Variants in SPINDOC observed in about 807,000 individuals in gnomAD.
SPINDOC encodes the protein spindlin interactor and repressor of chromatin-binding protein.
SPINDOC carries 13 observed loss-of-function variants against 30.7 expected under a neutral mutation model. That is an observed-to-expected ratio of 0.42 (90% CI 0.28 to 0.67). The LOEUF is 0.67. Ranked by LOEUF, SPINDOC falls within the 30% of genes least tolerant of loss-of-function variation. SPINDOC has a pLI of 0.22. For synonymous variants in SPINDOC, 228 were observed against 211.4 expected (o/e 1.08, Z -0.68); for missense variants, 438 against 518.0 (o/e 0.85, Z 1.50).
intron 5 of SPINDOC, among the ~76,000 whole-genome samples, chr11:63,821,482 C>T (rs1358273497): frequency 1.3e-5 from 2 of 152,166 alleles, no homozygotes; most frequent in African/African-American, 2.4e-5. Context: ...CATCATTCTG[C>T]CAACCACACA....
chr11:63,818,681 G>A lies in SPINDOC; in HGVS notation c.733+29G>A, dbSNP rs770602241. ...AAGGGGAGGCCCGGGGGAGGCGTGGGCTCTGGCCGCAGTGCTCTGAGGAAA... is the reference window on the plus strand; with the variant it reads ...AAGGGGAGGCCCGGGGGAGGCGTGGACTCTGGCCGCAGTGCTCTGAGGAAA... On this transcript the variant is annotated intron_variant, in intron 4 of 5. Coordinates refer to ENST00000294244, the MANE Select transcript of SPINDOC (RefSeq NM_138471.3). The surrounding 1 kb of genome is among the most constrained non-coding windows in gnomAD (Gnocchi z 5.3). 2 of 1,612,668 alleles carry A rather than the reference G, an allele frequency of 1.2e-6. No individual in the cohort carries two copies. The highest frequency in any genetic ancestry group is 3.3e-5 in the Admixed American group (2 of 59,824).
At position 63,813,695 on chromosome 11, in the gene SPINDOC, A is replaced by C. The variant is rs753820381; in HGVS notation, c.9A>C (p.Leu3=). 5.1e-6 allele frequency: 8 copies of C among 1,573,558 alleles called. No homozygotes were observed. The African/African-American group carries it at 6.9e-5, about 14-fold the overall frequency. ...TCGCCCACGGCCGCACCATGGCCCT[A>C]AAGGCCGAGGGCGCCGCACTCGACT... MA[L]KAEGAALDCF... Residue 3 remains leucine (L), a synonymous_variant, in exon 1 of 6, where the codon CTA becomes CTC. Transcript: ENST00000294244.
At chr11:63,816,721 G>T (rs2015349977) in intron 1 of SPINDOC, among the ~76,000 whole-genome samples, 2 of 152,210 alleles carry the variant, frequency 1.3e-5, no homozygotes, top group African/African-American at 4.8e-5. Flanking sequence ...GTCTAAGGCT[G>T]CCTTCTTTGC....
chr11:63,815,149 G>A (rs2015305212), intron 1 of SPINDOC, among the ~76,000 whole-genome samples: 1 of 152,252 alleles, frequency 6.6e-6, no homozygotes. Flanking sequence ...AGAAAGAGGA[G>A]GAATGGGTAT....
Position 63,813,552 on chromosome 11 carries a change from CGGCGGGGAGGGGGCTGCGCGG to C in SPINDOC, c.-128_-108del. ...GCCCGGCCGGCGAGCGGCGGGCGGGCGGCGGGGAGGGGGCTGCGCGGGGCGGGCGGCGGGCCCGGCGCTATT... is the reference window on the plus strand; with the variant it reads ...GCCCGGCCGGCGAGCGGCGGGCGGGCGGCGGGCGGCGGGCCCGGCGCTATT... On this transcript the variant is annotated 5_prime_UTR_variant, in exon 1 of 6. Coordinates refer to ENST00000294244, the MANE Select transcript of SPINDOC (RefSeq NM_138471.3). 1.4e-6 allele frequency: 1 copy of C among 714,572 alleles called. No homozygotes were observed. The highest frequency in any genetic ancestry group is 1.7e-6 in the Non-Finnish European group (1 of 583,740). The allele number at this position is 714,572 out of a possible 1,614,324, so 44.3% of individuals were successfully genotyped here. A position where few individuals can be genotyped will look rare whatever the true frequency, so the allele number is the denominator to read the frequency against.
chr11:63,815,269 C>A (rs151186086), intron 1 of SPINDOC, among the ~76,000 whole-genome samples: 3 of 152,200 alleles, frequency 2.0e-5, no homozygotes, highest in African/African-American at 7.2e-5. Context: ...GCAGGAAGAG[C>A]ATTTCAGGCC....
intron 5 of SPINDOC, among the ~76,000 whole-genome samples, chr11:63,823,943 T>C (rs1276596310): frequency 1.4e-5 from 2 of 144,338 alleles, no homozygotes; most frequent in Admixed American, 6.9e-5. Flanking sequence ...GTTTTGCTCT[T>C]GTCGCCCAGG....
intron 1 of SPINDOC, among the ~76,000 whole-genome samples, chr11:63,815,483 C>T (rs1330886526): frequency 6.6e-6 from 1 of 152,188 alleles, no homozygotes; most frequent in Non-Finnish European, 1.5e-5. Flanking sequence ...CTATTTATGA[C>T]ATATTCAGGT....
rs201645866 is a variant in SPINDOC, at chr11:63,818,812, G to A, written c.744G>A (p.Ser248=). ...KNLDPDPEPP[S]PDSPTETFAA... ...CGTCCTCCCTTCCAGAGCCCCCATC[G>A]CCAGACTCGCCCACGGAGACTTTCG... The change falls in exon 5 of 6, where the codon TCG becomes TCA. Residue 248 remains serine, a synonymous_variant. Transcript: ENST00000294244. This position sits in a 1 kb window ranked among gnomAD's most constrained non-coding sequence, Gnocchi z 5.3. 115 of 1,613,652 alleles carry A rather than the reference G, an allele frequency of 7.1e-5. No individual in the cohort carries two copies. The East Asian group carries it at 2.4e-3, about 34-fold the overall frequency.
chr11:63,814,894 T>A (rs558260350), intron 1 of SPINDOC, among the ~76,000 whole-genome samples: 1 of 152,338 alleles, frequency 6.6e-6, no homozygotes, highest in East Asian at 1.9e-4. Flanking sequence ...CCTGCAAGGG[T>A]GGCCTTATCC....
At position 63,818,802 on chromosome 11, in the gene SPINDOC, AGCCCCCATCGCCAGACTC is replaced by A; in HGVS notation, c.739_756del (p.Pro247_Pro252del). 6.2e-7 allele frequency: 1 copy of A among 1,613,642 alleles called. No homozygotes were observed. Among genetic ancestry groups the A allele is most frequent in the Non-Finnish European group, 8.5e-7 (1 of 1,180,010 alleles). Reference sequence around the variant, plus strand: ...AGTTCCATCCCGTCCTCCCTTCCAGAGCCCCCATCGCCAGACTCGCCCACGGAGACTTTCGCAGCACCA... The same window carrying A: ...AGTTCCATCCCGTCCTCCCTTCCAGAGCCCACGGAGACTTTCGCAGCACCA... On this transcript the variant is annotated inframe_deletion and splice_region_variant, in exon 5 of 6. Transcript: ENST00000294244. The surrounding 1 kb of genome is among the most constrained non-coding windows in gnomAD (Gnocchi z 5.3).
At chr11:63,822,725 G>C in intron 5 of SPINDOC, 1 of 1,288,738 alleles carries the variant, frequency 7.8e-7, no homozygotes, top group Non-Finnish European at 1.0e-6. Context: ...CTCTCCGGTG[G>C]ATCCCTGCTC....
At chr11:63,822,356 T>TAAAAAAAAAAAAAAAAAA (rs753315518) in intron 5 of SPINDOC, among the ~76,000 whole-genome samples, 3 of 58,818 alleles carry the variant, frequency 5.1e-5, no homozygotes, top group African/African-American at 1.6e-4. Flanking sequence ...CTAGACTGTC[T>TAAAAAAAAAAAAAAAAAA]AAAAAAAAAA....
chr11:63,823,118 C>A, intron 5 of SPINDOC: 1 of 1,286,782 alleles, frequency 7.8e-7, no homozygotes, highest in Admixed American at 2.3e-5. Flanking sequence ...CTTTGTCCCC[C>A]AAAATTCTGT....
rs1203712704 is a variant in SPINDOC, at chr11:63,818,301, T to C, written c.543T>C (p.Ser181=). 1 of 1,613,980 alleles carries C rather than the reference T, an allele frequency of 6.2e-7. No homozygotes were observed. The highest frequency in any genetic ancestry group is 1.1e-5 in the South Asian group (1 of 91,078). ...CCGAAATCGTCGTTCTCCTTGACTC[T>C]GAGGATAACCCATCCCTCCCTAAAA... ...MPAEIVVLLD[S]EDNPSLPKRS... is the part of the protein sequence containing the mutation. Residue 181 remains serine (S), a synonymous_variant, in exon 3 of 6, where the codon TCT becomes TCC. Coordinates refer to ENST00000294244, the MANE Select transcript of SPINDOC (RefSeq NM_138471.3). This position sits in a 1 kb window ranked among gnomAD's most constrained non-coding sequence, Gnocchi z 5.3.
intron 5 of SPINDOC, among the ~76,000 whole-genome samples, chr11:63,820,272 C>T (rs539395289): frequency 1.3e-3 from 189 of 150,320 alleles, no homozygotes; most frequent in Middle Eastern, 3.4e-3. Flanking sequence ...GTGGCAGGCG[C>T]CTGTAATCCC....
At chr11:63,819,064 C>T in intron 5 of SPINDOC, 62 bp downstream of exon 5, 1 of 1,094,680 alleles carries the variant, frequency 9.1e-7, no homozygotes, top group Non-Finnish European at 1.2e-6. Context: ...TGGGCCAGGC[C>T]TCAGAGAGGC....
intron 5 of SPINDOC, among the ~76,000 whole-genome samples, chr11:63,826,078 A>G (rs2015648981): frequency 6.6e-6 from 1 of 151,974 alleles, no homozygotes; most frequent in South Asian, 2.1e-4. Context: ...AGCTGGGATT[A>G]GAGGGGTGCA....
intron 1 of SPINDOC, 71 bp downstream of exon 1, chr11:63,813,884 G>T: frequency 7.1e-7 from 1 of 1,413,198 alleles, no homozygotes; most frequent in Non-Finnish European, 9.3e-7. Context: ...CTCCCCAGTC[G>T]GGGTCCGGGA....
Sources: gnomAD v4.1 joint callset for allele counts (sites outside exome capture counted in the v4.1 genomes callset) on GRCh38, gnomAD v4.1.1 for gene constraint, Gnocchi (gnomAD v3.1) non-coding constraint, MANE v1.5 for transcripts, NCBI Gene and HGNC (gene_info 2026-07-23, HGNC 2026-07-21) for gene names.